The following COL4A1 variants were observed in gnomAD, a reference collection of about 807,000 sequenced individuals.
COL4A1 encodes collagen type IV alpha 1 chain, also known as collagen alpha-1(IV) chain.
Under a neutral mutation model 216.6 loss-of-function variants are expected in COL4A1, and 40 were observed. That is an observed-to-expected ratio of 0.18 (90% confidence interval 0.14 to 0.24). The LOEUF is 0.24. COL4A1 is among the 10% of genes least tolerant of loss of function. The pLI, the probability that COL4A1 is intolerant of heterozygous loss-of-function variation, is 1.00. For missense variants in COL4A1, 1,628 were observed against 2,196.8 expected, an observed-to-expected ratio of 0.74 and a Z score of 5.18; for synonymous variants, 839 against 810.7, an observed-to-expected ratio of 1.03 and a Z score of -0.59.
At chr13:110,269,807 C>A (rs1268835151) in intron 1 of COL4A1, among the ~76,000 whole-genome samples, 1 of 151,838 alleles carries the variant, frequency 6.6e-6, no homozygotes, top group Non-Finnish European at 1.5e-5. Context: ...CCATAAAGAT[C>A]ATATTTCAGG....
chr13:110,230,309 G>A (rs966852265), intron 2 of COL4A1, among the ~76,000 whole-genome samples: 3 of 152,018 alleles, frequency 2.0e-5, no homozygotes, highest in Admixed American at 1.3e-4. Context: ...TGGTGTGTGC[G>A]TGTATGTGAT....
intron 24 of COL4A1, among the ~76,000 whole-genome samples, chr13:110,188,698 G>T (rs1190150417): frequency 1.3e-5 from 2 of 152,230 alleles, no homozygotes; most frequent in Non-Finnish European, 2.9e-5. Context: ...CATTACACAG[G>T]GGGAGAGGTG....
rs371636422 is a variant in COL4A1 at position 110,211,606 on chromosome 13, C to T, written c.468+41G>A. On this transcript the variant is annotated intron_variant, in intron 8 of 51. Transcript: ENST00000375820. The surrounding 1 kb of genome is among the most constrained non-coding windows in gnomAD (Gnocchi z 4.3). ...TATGGCACTTGTTGTAAACAGATTC[C>T]CTGTAATGAATCCAATAAAGCAAAA... The T allele has an allele frequency of 3.3e-5, 53 of 1,595,246 alleles. No homozygotes were observed. The African/African-American group carries it at 6.5e-4, about 20-fold the overall frequency.
At chr13:110,306,840 A>G in intron 1 of COL4A1, 104 bp downstream of exon 1, 2 of 1,099,494 alleles carry the variant, frequency 1.8e-6, no homozygotes, top group Non-Finnish European at 2.4e-6. Flanking sequence ...GCCACGCGCG[A>G]CCCCCGAGGG....
chr13:110,229,807 C>T (rs1891966), intron 2 of COL4A1, among the ~76,000 whole-genome samples: 13,730 of 152,250 alleles, frequency 0.09, 694 homozygotes, highest in Middle Eastern at 0.13. Context: ...TCTGTGGTAT[C>T]CTATTACAGC....
At chr13:110,257,521 G>T (rs1882631846) in intron 1 of COL4A1, among the ~76,000 whole-genome samples, 1 of 152,200 alleles carries the variant, frequency 6.6e-6, no homozygotes. Flanking sequence ...GTATACCACA[G>T]AGAAAAGTTG....
At chr13:110,222,058 C>T (rs1015449829) in intron 2 of COL4A1, among the ~76,000 whole-genome samples, 3 of 152,228 alleles carry the variant, frequency 2.0e-5, no homozygotes, top group African/African-American at 7.2e-5. Flanking sequence ...AAGGGCCAAG[C>T]TCCTGGTCGG....
At chr13:110,301,764 T>G (rs1884502536) in intron 1 of COL4A1, among the ~76,000 whole-genome samples, 1 of 152,154 alleles carries the variant, frequency 6.6e-6, no homozygotes, top group South Asian at 2.1e-4. Flanking sequence ...TTCTGTGGAA[T>G]GCAGAGATTA....
At chr13:110,278,361 A>G (rs961100079) in intron 1 of COL4A1, among the ~76,000 whole-genome samples, 1 of 152,090 alleles carries the variant, frequency 6.6e-6, no homozygotes, top group African/African-American at 2.4e-5. Context: ...TCCTAGCCTT[A>G]TCATTCTTCT....
rs1280363456 is a variant in COL4A1 at position 110,219,828 on chromosome 13, G to GTATA, written c.145-5814_145-5813insTATA. ...TATATGTGTATATATGTATATATATGTATGTATGTATATATGTGTATATAT... is the reference window on the plus strand; with the variant it reads ...TATATGTGTATATATGTATATATATGTATATATGTATGTATATATGTGTATATAT... On this transcript the variant is annotated intron_variant, in intron 2 of 51. Coordinates refer to ENST00000375820, the MANE Select transcript of COL4A1 (RefSeq NM_001845.6). Among the ~76,000 whole-genome samples, 34 of 69,648 alleles carry GTATA rather than the reference G, an allele frequency of 4.9e-4. 1 individual carries two copies. In the East Asian group the frequency reaches 6.6e-3, roughly 13 times the overall value. The allele number at this position is 69,648 out of a possible 152,430, so 45.7% of individuals were successfully genotyped here.
At chr13:110,250,229 G>C (rs968722339) in intron 1 of COL4A1, among the ~76,000 whole-genome samples, 8 of 150,108 alleles carry the variant, frequency 5.3e-5, no homozygotes, top group African/African-American at 2.0e-4. Flanking sequence ...CACAAAAAAT[G>C]TGAGAAACAG....
At position 110,187,238 on chromosome 13, in the gene COL4A1, T is replaced by G; in HGVS notation, c.1628A>C (p.Lys543Thr). The G allele has an allele frequency of 1.2e-6, 2 of 1,613,844 alleles. No homozygotes were observed. The highest frequency in any genetic ancestry group is 1.7e-6 in the Non-Finnish European group (2 of 1,179,898). ...CTGTCCTGGAAAGCCTGGGTCTCCT[T>G]TGTCACCTTTGAGCCGCAAGTCGAA... ...FYFDLRLKGD[K>T]GDPGFPGQPG... Residue 543 changes from lysine (K) to threonine (T), a missense_variant, in exon 25 of 52, where the codon AAA becomes ACA. Lys to Thr is a moderately conservative substitution (Grantham distance 78, BLOSUM62 -1). Transcript: ENST00000375820.
At chr13:110,228,619 G>A (rs983748157) in intron 2 of COL4A1, among the ~76,000 whole-genome samples, 1 of 152,198 alleles carries the variant, frequency 6.6e-6, no homozygotes, top group East Asian at 1.9e-4. Context: ...AGTGAGACAG[G>A]AAAGGAAACG....
intron 1 of COL4A1, among the ~76,000 whole-genome samples, chr13:110,299,237 G>C (rs945854084): frequency 6.6e-6 from 1 of 152,182 alleles, no homozygotes; most frequent in Non-Finnish European, 1.5e-5. Context: ...GAAAGAAGTC[G>C]GGCTGTCAGT....
chr13:110,282,967 G>A (rs138951692), intron 1 of COL4A1, among the ~76,000 whole-genome samples: 4 of 152,338 alleles, frequency 2.6e-5, no homozygotes, highest in African/African-American at 7.2e-5. Flanking sequence ...AAATGAGCCA[G>A]TGATCCCAGT....
intron 1 of COL4A1, among the ~76,000 whole-genome samples, chr13:110,246,994 T>C (rs1881846002): frequency 6.6e-6 from 1 of 152,082 alleles, no homozygotes; most frequent in Admixed American, 6.6e-5. Flanking sequence ...CGGTCTCTCT[T>C]ATAAAAGCAG....
At chr13:110,198,078 G>GTGT (rs1555305317) in intron 21 of COL4A1, among the ~76,000 whole-genome samples, 4,248 of 141,908 alleles carry the variant, frequency 0.03, 99 homozygotes, top group Middle Eastern at 0.076. Flanking sequence ...TTGTTTCTGG[G>GTGT]GTGTGTGTGT....
chr13:110,178,930 C>A lies in COL4A1; in HGVS notation c.2451G>T (p.Gly817=), dbSNP rs1413923802. The change falls in exon 31 of 52, where the codon GGG becomes GGT. Residue 817 remains glycine (G), a synonymous_variant. Transcript: ENST00000375820. ...TAGAAGCATGTCACTCACCTGACAA[C>A]CCCGGTGGTCCCTGTCCTCCAGGGG... The part of the protein sequence containing the change: ...RGPPGGQGPP[G]LSGPPGIKGE... 1.2e-6 allele frequency: 2 copies of A among 1,610,736 alleles called. No individual in the cohort carries two copies. Among genetic ancestry groups the A allele is most frequent in the South Asian group, 1.1e-5 (1 of 90,308 alleles).
intron 2 of COL4A1, among the ~76,000 whole-genome samples, chr13:110,230,271 G>A (rs1880968510): frequency 6.6e-6 from 1 of 151,848 alleles, no homozygotes; most frequent in Non-Finnish European, 1.5e-5. Context: ...TATATGTTAT[G>A]TGTGTGGTGC....
Sources: allele counts gnomAD v4.1 joint callset (sites outside exome capture counted in the v4.1 genomes callset), GRCh38; gene constraint gnomAD v4.1.1; non-coding constraint Gnocchi (gnomAD v3.1); transcripts MANE v1.5; gene names NCBI Gene and HGNC (gene_info 2026-07-23, HGNC 2026-07-21).